The following SOX5 variants were observed in gnomAD, a reference collection of about 807,000 sequenced individuals.
SOX5 encodes SRY-box transcription factor 5.
In SOX5, 9 loss-of-function variants were observed where a neutral mutation model predicts 92.0. The ratio of observed to expected loss-of-function variants is 0.10; its 90% confidence interval spans 0.06 to 0.17. The LOEUF (loss-of-function observed/expected upper bound fraction) is 0.17. Among genes scored for constraint, SOX5 ranks in the 10% least tolerant of loss-of-function variants. SOX5 has a pLI of 1.00. For synonymous variants in SOX5, 344 were observed against 336.3 expected, an observed-to-expected ratio of 1.02 and a Z score of -0.25; for missense variants, 642 against 944.5, an observed-to-expected ratio of 0.68 and a Z score of 4.20.
rs1163938652 is a variant in SOX5 at position 23,578,117 on chromosome 12, C to CAAAAAAAAAAAAAAAAAAAAAAAA, written c.1165-2303_1165-2280dup. Among the ~76,000 whole-genome samples the CAAAAAAAAAAAAAAAAAAAAAAAA allele has an allele frequency of 6.6e-4, 23 of 34,894 alleles. 2 individuals are homozygous for CAAAAAAAAAAAAAAAAAAAAAAAA. Among genetic ancestry groups the CAAAAAAAAAAAAAAAAAAAAAAAA allele is most frequent in the Non-Finnish European group, 7.3e-4 (15 of 20,466 alleles). The allele number at this position is 34,894 out of a possible 152,430, so 22.9% of individuals were successfully genotyped here. On this transcript the variant is annotated intron_variant, in intron 9 of 14. Transcript: ENST00000451604. ...CCTGCGCAACAGAGTGAGACTGTGT[C>CAAAAAAAAAAAAAAAAAAAAAAAA]AAAAAAAAAAAAAAAAAAAAAAAAA...
At chr12:24,092,291 T>C (rs1807784440) in intron 4 of SOX5, among the ~76,000 whole-genome samples, 1 of 148,066 alleles carries the variant, frequency 6.8e-6, no homozygotes, top group African/African-American at 2.4e-5. Context: ...TTTTCAGGCT[T>C]AGGGTACAAT....
chr12:23,995,243 G>T (rs77693409), intron 4 of SOX5, among the ~76,000 whole-genome samples: 4 of 152,126 alleles, frequency 2.6e-5, no homozygotes, highest in Non-Finnish European at 4.4e-5. Context: ...AAATATATAC[G>T]TCTGACATTT....
At position 23,618,153 on chromosome 12, in the gene SOX5, G is replaced by A. The variant is rs146521071; in HGVS notation, c.1018-13620C>T. ...TGGAAGGCTCTTCAGATCTCTCTAT[G>A]TATCAGTGATTATACTTATATCTTT... is the stretch of plus-strand genomic sequence containing the variant. On this transcript the variant is annotated intron_variant, in intron 8 of 14. Transcript: ENST00000451604. Among the ~76,000 whole-genome samples the A allele has an allele frequency of 3.3e-5, 5 of 152,242 alleles. No homozygotes were observed. In the East Asian group the frequency reaches 9.6e-4, roughly 29 times the overall value.
At chr12:24,181,519 T>C (rs1161829063) in intron 4 of SOX5, among the ~76,000 whole-genome samples, 2 of 152,340 alleles carry the variant, frequency 1.3e-5, no homozygotes, top group Middle Eastern at 3.4e-3. Flanking sequence ...CTCCACTTAC[T>C]ATCTGAGTCT....
At chr12:23,731,222 T>G (rs893533108) in intron 6 of SOX5, among the ~76,000 whole-genome samples, 3 of 152,308 alleles carry the variant, frequency 2.0e-5, no homozygotes, top group African/African-American at 7.2e-5. Flanking sequence ...ACAGCTTCCC[T>G]GGTTCTGAGG....
chr12:23,570,616 A>G (rs1309273292), intron 10 of SOX5, among the ~76,000 whole-genome samples: 1 of 151,698 alleles, frequency 6.6e-6, no homozygotes, highest in Non-Finnish European at 1.5e-5. Context: ...ATCTCTAAAA[A>G]AATACAAAAA....
At chr12:24,323,977 G>GT (rs1950443668) in intron 2 of SOX5, among the ~76,000 whole-genome samples, 1 of 152,124 alleles carries the variant, frequency 6.6e-6, no homozygotes, top group South Asian at 2.1e-4. Context: ...TGTAAGAAAT[G>GT]ATTATGTATA....
intron 1 of SOX5, among the ~76,000 whole-genome samples, chr12:24,493,863 CAA>C (rs201633038): frequency 2.3e-4 from 20 of 86,740 alleles, no homozygotes; most frequent in South Asian, 8.4e-4. Flanking sequence ...GACTCCATCT[CAA>C]AAAAAAAAAA....
chr12:23,626,533 A>G (rs1452198635), intron 8 of SOX5, among the ~76,000 whole-genome samples: 1 of 152,088 alleles, frequency 6.6e-6, no homozygotes, highest in Non-Finnish European at 1.5e-5. Context: ...CCTCAAATCA[A>G]TGCTTGCCTC....
At chr12:24,137,046 A>T (rs1164231255) in intron 4 of SOX5, among the ~76,000 whole-genome samples, 1 of 152,220 alleles carries the variant, frequency 6.6e-6, no homozygotes, top group Non-Finnish European at 1.5e-5. Context: ...GGTCTTAGAG[A>T]ATAGATCTTA....
At chr12:24,239,575 T>C (rs1965177792) in intron 3 of SOX5, among the ~76,000 whole-genome samples, 3 of 152,192 alleles carry the variant, frequency 2.0e-5, no homozygotes, top group African/African-American at 4.8e-5. Flanking sequence ...CAGGTAATAC[T>C]GTCTGGATTA....
chr12:24,407,349 G>A (rs1963208195), intron 1 of SOX5: 1 of 152,226 alleles, frequency 6.6e-6, no homozygotes, highest in Non-Finnish European at 1.5e-5. Flanking sequence ...GCATCTCATA[G>A]CCTTATCCAG....
intron 4 of SOX5, among the ~76,000 whole-genome samples, chr12:24,059,001 A>G (rs1939144783): frequency 6.6e-6 from 1 of 152,220 alleles, no homozygotes; most frequent in African/African-American, 2.4e-5. Flanking sequence ...GCCAAGACTA[A>G]AGAAACACTG....
chr12:23,944,612 T>G (rs1196480877), intron 1 of SOX5, among the ~76,000 whole-genome samples: 8 of 152,156 alleles, frequency 5.3e-5, no homozygotes. Flanking sequence ...ATTTAAATAT[T>G]TTCTCACTCT....
In SOX5 at chr12:24,499,484, G is replaced by A. The variant is rs552944839; in HGVS notation, c.-251+62845C>T. Among the ~76,000 whole-genome samples the A allele has an allele frequency of 1.1e-4, 17 of 152,336 alleles. No homozygotes were observed. The South Asian group carries it at 3.1e-3, about 28-fold the overall frequency. On this transcript the variant is annotated intron_variant, in intron 1 of 4. Coordinates refer to the SOX5 transcript ENST00000446891. ...GCAAATACAAAAGGGAAGGAACCTGGAGCATGCTCAGGAAGGATGGAATAA... is the reference window on the plus strand; with the variant it reads ...GCAAATACAAAAGGGAAGGAACCTGAAGCATGCTCAGGAAGGATGGAATAA...
intron 2 of SOX5, among the ~76,000 whole-genome samples, chr12:23,856,284 T>G (rs1389022512): frequency 6.6e-6 from 1 of 152,098 alleles, no homozygotes; most frequent in Non-Finnish European, 1.5e-5. Context: ...ATACACAGAT[T>G]TTGTCAGTCT....
rs576321146 is a variant in SOX5 at position 23,538,929 on chromosome 12, T to C, written c.1772-2260A>G. Among the ~76,000 whole-genome samples, 11 of 151,150 alleles carry C rather than the reference T, an allele frequency of 7.3e-5. No individual in the cohort carries two copies. In the East Asian group the frequency reaches 9.8e-4, roughly 13 times the overall value. ...CATTCTCCTGCCTCAGCCTCCCGAGTAGCTGGGACTACAGGCGCCCGCCAC... is the reference window on the plus strand; with the variant it reads ...CATTCTCCTGCCTCAGCCTCCCGAGCAGCTGGGACTACAGGCGCCCGCCAC... On this transcript the variant is annotated intron_variant, in intron 13 of 14. Transcript: ENST00000451604.
intron 2 of SOX5, among the ~76,000 whole-genome samples, chr12:24,334,062 C>T (rs1951626356): frequency 6.6e-6 from 1 of 151,398 alleles, no homozygotes; most frequent in Admixed American, 6.6e-5. Context: ...TTGGGGAATA[C>T]AGTTATTTGG....
At chr12:24,342,199 T>A (rs920923574) in intron 2 of SOX5, among the ~76,000 whole-genome samples, 2 of 152,206 alleles carry the variant, frequency 1.3e-5, no homozygotes, top group African/African-American at 4.8e-5. Flanking sequence ...ATAAACTCTG[T>A]CTGACTCCAT....
Sources: allele counts gnomAD v4.1 joint callset (sites outside exome capture counted in the v4.1 genomes callset), GRCh38; gene constraint gnomAD v4.1.1; transcripts MANE v1.5; gene names NCBI Gene and HGNC (gene_info 2026-07-23, HGNC 2026-07-21).